Variants in JARID2 observed in about 807,000 individuals in gnomAD.
JARID2 encodes the protein protein Jumonji.
In JARID2, 21 loss-of-function variants were observed where a neutral mutation model predicts 125.6. That is an observed-to-expected ratio of 0.17 (90% CI 0.12 to 0.24). The LOEUF (loss-of-function observed/expected upper bound fraction) is 0.24, where lower values mean the gene tolerates loss of function less well. Among genes scored for constraint, JARID2 ranks in the 10% least tolerant of loss-of-function variants. JARID2 has a pLI of 1.00. For synonymous variants in JARID2, 736 were observed against 661.6 expected (o/e 1.11, Z -1.73); for missense variants, 1,303 against 1,639.6 (o/e 0.79, Z 3.55).
chr6:15,372,073 A>G (rs1764191285), intron 1 of JARID2, among the ~76,000 whole-genome samples: 1 of 152,222 alleles, frequency 6.6e-6, no homozygotes, highest in African/African-American at 2.4e-5. Context: ...TAAGTTATTT[A>G]GGGCTTAGAG....
chr6:15,350,110 G>C (rs1255465657), intron 1 of JARID2, among the ~76,000 whole-genome samples: 2 of 152,124 alleles, frequency 1.3e-5, no homozygotes, highest in Non-Finnish European at 2.9e-5. Context: ...CCCAGCATCT[G>C]TTTTAACACG....
chr6:15,252,731 T>G (rs775846473), intron 1 of JARID2, among the ~76,000 whole-genome samples: 34 of 151,226 alleles, frequency 2.2e-4, no homozygotes, highest in Non-Finnish European at 4.4e-4. Context: ...ATGAATCTGT[T>G]TTTTCATGTG....
rs200932393 is a variant in JARID2 at position 15,246,250 on chromosome 6, TTGTGTG to T, written c.-282_-277del. ...GGGAGTGAAGGGCGTCGGTTTTTTTTTGTGTGTGTGTGTATGTGTTTCGGGGGAAAT... is the reference window on the plus strand; with the variant it reads ...GGGAGTGAAGGGCGTCGGTTTTTTTTTGTGTGTATGTGTTTCGGGGGAAAT... On this transcript the variant is annotated 5_prime_UTR_variant, in exon 1 of 18. Coordinates refer to ENST00000341776, the MANE Select transcript of JARID2 (RefSeq NM_004973.4). 2.2e-6 allele frequency: 1 copy of T among 464,806 alleles called. No individual in the cohort carries two copies. Among genetic ancestry groups the T allele is most frequent in the Non-Finnish European group, 3.8e-6 (1 of 265,728 alleles). The allele number at this position is 464,806 out of a possible 1,614,324, so 28.8% of individuals were successfully genotyped here.
intron 1 of JARID2, among the ~76,000 whole-genome samples, chr6:15,311,431 G>A (rs200348523): frequency 6.6e-6 from 1 of 152,168 alleles, no homozygotes; most frequent in East Asian, 1.9e-4. Flanking sequence ...TACAAAATTA[G>A]CCAGGCATGG....
At chr6:15,315,617 G>A (rs913937152) in intron 1 of JARID2, among the ~76,000 whole-genome samples, 2 of 152,204 alleles carry the variant, frequency 1.3e-5, no homozygotes, top group Non-Finnish European at 2.9e-5. Flanking sequence ...GGTCAAAAAA[G>A]TGAGATATCT....
rs188724491 is a variant in JARID2, at chr6:15,516,195, T to C, written c.3451-966T>C. On this transcript the variant is annotated intron_variant, in intron 16 of 17. Coordinates refer to ENST00000341776, the MANE Select transcript of JARID2 (RefSeq NM_004973.4). ...GTGGCATTCCCACACTCCTACAACG[T>C]GTTCTCTGTTCCTTGCTTAGAAACA... Among the ~76,000 whole-genome samples, 514 of 152,322 alleles carry C rather than the reference T, an allele frequency of 3.4e-3. 3 individuals are homozygous for C. The highest frequency in any genetic ancestry group is 0.012 in the African/African-American group (486 of 41,580).
intron 1 of JARID2, among the ~76,000 whole-genome samples, chr6:15,289,397 T>G (rs1405796334): frequency 2.6e-5 from 4 of 152,132 alleles, no homozygotes; most frequent in Non-Finnish European, 4.4e-5. Context: ...TTAAATCGTT[T>G]GTTACTATTA....
At chr6:15,281,954 G>A (rs1561767086) in intron 1 of JARID2, among the ~76,000 whole-genome samples, 1 of 151,846 alleles carries the variant, frequency 6.6e-6, no homozygotes, top group Non-Finnish European at 1.5e-5. Context: ...GTGTGTGTGT[G>A]TGTGTGTGTG....
chr6:15,418,271 G>T (rs1190896727), intron 3 of JARID2, among the ~76,000 whole-genome samples: 1 of 144,480 alleles, frequency 6.9e-6, no homozygotes, highest in Non-Finnish European at 1.5e-5. Context: ...AGGCTGGAGT[G>T]CAGTGGCATG....
intron 1 of JARID2, among the ~76,000 whole-genome samples, chr6:15,277,551 C>G (rs190170768): frequency 3.9e-5 from 6 of 152,316 alleles, no homozygotes; most frequent in Admixed American, 2.6e-4. Context: ...AGGCCAGTCT[C>G]TTTGTCAGGA....
intron 3 of JARID2, among the ~76,000 whole-genome samples, chr6:15,414,170 C>G (rs920948836): frequency 1.3e-5 from 2 of 152,026 alleles, no homozygotes; most frequent in African/African-American, 4.8e-5. Flanking sequence ...GCTTGACTTC[C>G]TTCTTATGGA....
intron 3 of JARID2, among the ~76,000 whole-genome samples, chr6:15,442,399 TA>T (rs1767486062): frequency 6.6e-6 from 1 of 152,258 alleles, no homozygotes; most frequent in Non-Finnish European, 1.5e-5. Flanking sequence ...TACAACAGCC[TA>T]TTAGAAATTA....
intron 1 of JARID2, among the ~76,000 whole-genome samples, chr6:15,297,234 A>G (rs575792843): frequency 6.6e-6 from 1 of 152,016 alleles, no homozygotes; most frequent in Non-Finnish European, 1.5e-5. Flanking sequence ...CACTGCAACT[A>G]CCACCTCCTG....
intron 3 of JARID2, among the ~76,000 whole-genome samples, 179 bp downstream of exon 3, chr6:15,410,544 T>C (rs1332068158): frequency 6.6e-6 from 1 of 152,128 alleles, no homozygotes; most frequent in East Asian, 1.9e-4. Flanking sequence ...CTAATAATTA[T>C]AATTAAAAAC....
intron 1 of JARID2, among the ~76,000 whole-genome samples, chr6:15,329,112 A>G (rs1370720241): frequency 6.6e-6 from 1 of 152,156 alleles, no homozygotes; most frequent in African/African-American, 2.4e-5. Context: ...GGATTTAGGA[A>G]CCCAAAGAAA....
chr6:15,262,277 G>A (rs1213422218), intron 1 of JARID2, among the ~76,000 whole-genome samples: 1 of 151,342 alleles, frequency 6.6e-6, no homozygotes, highest in African/African-American at 2.4e-5. Flanking sequence ...AGTTCTTCCA[G>A]CCTCTTACAC....
At chr6:15,323,904 T>C (rs541548329) in intron 1 of JARID2, among the ~76,000 whole-genome samples, 27 of 150,402 alleles carry the variant, frequency 1.8e-4, no homozygotes, top group East Asian at 1.8e-3. Flanking sequence ...TAAAAAAGGC[T>C]GGGCGTGGTG....
chr6:15,257,799 TA>T (rs1759723466), intron 1 of JARID2, among the ~76,000 whole-genome samples: 1 of 152,228 alleles, frequency 6.6e-6, no homozygotes, highest in African/African-American at 2.4e-5. Context: ...TAACAAGTAG[TA>T]AAGATGTCAG....
At chr6:15,435,953 C>A (rs749772392) in intron 3 of JARID2, among the ~76,000 whole-genome samples, 3 of 152,104 alleles carry the variant, frequency 2.0e-5, no homozygotes, top group Non-Finnish European at 2.9e-5. Flanking sequence ...TCTTGTCCCC[C>A]TCTCAGGGCG....
Sources: allele counts gnomAD v4.1 joint callset (sites outside exome capture counted in the v4.1 genomes callset), GRCh38; gene constraint gnomAD v4.1.1; transcripts MANE v1.5; gene names NCBI Gene and HGNC (gene_info 2026-07-23, HGNC 2026-07-21).